The following KLHL18 variants were observed in gnomAD, a reference collection of about 807,000 sequenced individuals.
The protein encoded by KLHL18 is kelch like family member 18, also known as kelch-like protein 18.
A neutral mutation model predicts 58.5 loss-of-function variants in KLHL18; 38 were observed. The observed-to-expected ratio is 0.65, with a 90% confidence interval of 0.50 to 0.85. The LOEUF is 0.85. KLHL18 is among the 40% of genes least tolerant of loss of function. The pLI is 0.00. For missense variants in KLHL18, 624 were observed against 778.4 expected (o/e 0.80, Z 2.36); for synonymous variants, 303 against 301.9 (o/e 1.00, Z -0.04).
chr3:47,298,586 A>G (rs905784342), intron 1 of KLHL18, among the ~76,000 whole-genome samples: 1 of 152,108 alleles, frequency 6.6e-6, no homozygotes, highest in African/African-American at 2.4e-5. Context: ...TTTAGTAAGG[A>G]TTAGATAAGT....
At chr3:47,301,421 G>A (rs769504179) in intron 1 of KLHL18, among the ~76,000 whole-genome samples, 2 of 152,052 alleles carry the variant, frequency 1.3e-5, no homozygotes, top group Non-Finnish European at 2.9e-5. Flanking sequence ...ATAGGTTGAA[G>A]TTCTTTTTTT....
At chr3:47,330,197 C>T (rs896543540) in intron 4 of KLHL18, 48 bp downstream of exon 4, 3 of 1,506,268 alleles carry the variant, frequency 2.0e-6, no homozygotes, top group Non-Finnish European at 2.8e-6. Flanking sequence ...AGATGCTGCT[C>T]TTTATAGTCA....
At chr3:47,309,842 A>G (rs1349985680) in intron 1 of KLHL18, among the ~76,000 whole-genome samples, 2 of 152,222 alleles carry the variant, frequency 1.3e-5, no homozygotes, top group African/African-American at 4.8e-5. Flanking sequence ...CACCAAAAAA[A>G]TAACGAAAAC....
intron 1 of KLHL18, among the ~76,000 whole-genome samples, chr3:47,314,552 C>T (rs919816830): frequency 2.0e-5 from 3 of 151,454 alleles, no homozygotes; most frequent in Admixed American, 6.6e-5. Flanking sequence ...ATGCAGGTCT[C>T]GAACTCCTGG....
At chr3:47,330,638 C>T (rs17079586) in intron 4 of KLHL18, among the ~76,000 whole-genome samples, 5,737 of 152,022 alleles carry the variant, frequency 0.038, 378 homozygotes, top group African/African-American at 0.13. Context: ...TTTTTGTCAA[C>T]CTACTCACCT....
intron 4 of KLHL18, among the ~76,000 whole-genome samples, chr3:47,330,861 A>G (rs1388963328): frequency 2.0e-5 from 3 of 151,784 alleles, no homozygotes; most frequent in Non-Finnish European, 4.4e-5. Flanking sequence ...CTCCTTGAGT[A>G]GCTGGGATTA....
At chr3:47,326,402 G>C (rs1703723219) in intron 3 of KLHL18, among the ~76,000 whole-genome samples, 1 of 152,186 alleles carries the variant, frequency 6.6e-6, no homozygotes, top group African/African-American at 2.4e-5. Context: ...CCAAAGTCAA[G>C]CTGTGTCAGC....
At chr3:47,304,277 G>C (rs62248935) in intron 1 of KLHL18, among the ~76,000 whole-genome samples, 1 of 152,152 alleles carries the variant, frequency 6.6e-6, no homozygotes, top group African/African-American at 2.4e-5. Flanking sequence ...GGCCAAGGTG[G>C]GAGGATCAGT....
intron 7 of KLHL18, 114 bp from the exon 8 acceptor site, chr3:47,340,445 ACTTAGTCACATAC>A: frequency 2.9e-6 from 4 of 1,402,322 alleles, no homozygotes; most frequent in Non-Finnish European, 3.9e-6. Context: ...TTATGCCTTT[ACTTAGTCACATAC>A]CTTAGATTTA....
chr3:47,290,616 C>T (rs1279764247), intron 1 of KLHL18, among the ~76,000 whole-genome samples: 1 of 152,150 alleles, frequency 6.6e-6, no homozygotes, highest in Non-Finnish European at 1.5e-5. Context: ...TGTATGCCAC[C>T]ACGCCTGGCT....
chr3:47,332,395 T>G (rs1703884501), intron 4 of KLHL18, among the ~76,000 whole-genome samples: 1 of 151,952 alleles, frequency 6.6e-6, no homozygotes, highest in South Asian at 2.1e-4. Context: ...AAAAGAAATT[T>G]GAGGAGGGAT....
At chr3:47,291,991 G>GT (rs1435855019) in intron 1 of KLHL18, among the ~76,000 whole-genome samples, 1 of 152,224 alleles carries the variant, frequency 6.6e-6, no homozygotes, top group Non-Finnish European at 1.5e-5. Flanking sequence ...AGTTGAAGCT[G>GT]AGGATGCTTA....
chr3:47,283,824 G>A (rs1702563266), intron 1 of KLHL18, among the ~76,000 whole-genome samples: 1 of 152,232 alleles, frequency 6.6e-6, no homozygotes. Context: ...GAGGCATGCT[G>A]TGCTGCTGCC....
chr3:47,312,063 GTGT>G (rs578086295), intron 1 of KLHL18, among the ~76,000 whole-genome samples: 263 of 152,310 alleles, frequency 1.7e-3, no homozygotes, highest in African/African-American at 6.1e-3. Context: ...AAATTCGGAG[GTGT>G]TGTACATATC....
At chr3:47,310,530 T>C (rs900405218) in intron 1 of KLHL18, among the ~76,000 whole-genome samples, 3 of 152,226 alleles carry the variant, frequency 2.0e-5, no homozygotes, top group Non-Finnish European at 4.4e-5. Flanking sequence ...TTTCCAAAAG[T>C]GTTATTTGAG....
rs770459605 is a variant in KLHL18, at chr3:47,330,046, A to G, written c.497A>G (p.His166Arg). The stretch of plus-strand genomic sequence containing the variant: ...GCTGCCAACAGCTTCATCCACCAGC[A>G]CTTTGTGGAGGTGTCCATGTCAGAA... ...YDAANSFIHQHFVEVSMSEEF... is the reference protein window; with the variant it reads ...YDAANSFIHQRFVEVSMSEEF... Residue 166 changes from histidine to arginine, a missense_variant, in exon 4 of 10, where the codon CAC becomes CGC. His to Arg is a conservative substitution (Grantham distance 29). Coordinates refer to ENST00000232766, the MANE Select transcript of KLHL18 (RefSeq NM_025010.5). 24 of 1,614,098 alleles carry G rather than the reference A, an allele frequency of 1.5e-5. No individual in the cohort carries two copies. The highest frequency in any genetic ancestry group is 2.0e-5 in the Non-Finnish European group (24 of 1,180,024).
At chr3:47,297,582 G>A (rs1412323215) in intron 1 of KLHL18, 9 of 456,572 alleles carry the variant, frequency 2.0e-5, no homozygotes, top group Non-Finnish European at 4.0e-5. Context: ...TTTCAGATGA[G>A]ATGAGAAGGT....
intron 9 of KLHL18, 47 bp from the exon 10 acceptor site, chr3:47,343,508 G>C: frequency 6.2e-7 from 1 of 1,608,958 alleles, no homozygotes; most frequent in Non-Finnish European, 8.5e-7. Context: ...CATGGACTGA[G>C]CTTTGCCTCT....
chr3:47,339,338 A>C (rs1381868810), intron 7 of KLHL18, among the ~76,000 whole-genome samples: 2 of 152,012 alleles, frequency 1.3e-5, no homozygotes, highest in African/African-American at 4.8e-5. Context: ...TATACAAAAA[A>C]AAAATTAGCC....
Sources: gnomAD v4.1 joint callset for allele counts (sites outside exome capture counted in the v4.1 genomes callset) on GRCh38, gnomAD v4.1.1 for gene constraint, MANE v1.5 for transcripts, NCBI Gene and HGNC (gene_info 2026-07-23, HGNC 2026-07-21) for gene names.